The following TSG101 variants were observed in gnomAD, a reference collection of about 807,000 sequenced individuals.
The protein encoded by TSG101 is tumor susceptibility gene 101 protein.
A neutral mutation model predicts 48.5 loss-of-function variants in TSG101; 19 were observed. The ratio of observed to expected loss-of-function variants is 0.39; its 90% confidence interval spans 0.27 to 0.58. TSG101 has a LOEUF of 0.58. TSG101 is among the 20% of genes least tolerant of loss of function. The pLI is 0.55. For synonymous variants in TSG101, 174 were observed against 169.4 expected, an observed-to-expected ratio of 1.03 and a Z score of -0.21; for missense variants, 365 against 484.4, an observed-to-expected ratio of 0.75 and a Z score of 2.31.
At chr11:18,502,705 G>C in intron 6 of TSG101, 128 bp from the exon 7 acceptor site, 1 of 633,344 alleles carries the variant, frequency 1.6e-6, no homozygotes, top group East Asian at 3.0e-5. Flanking sequence ...TATAGTCTTG[G>C]AGCTGCAAGT....
rs546545786 is a variant in TSG101 at position 18,512,449 on chromosome 11, T to C, written c.357+2229A>G. 1.1e-4 allele frequency among the ~76,000 whole-genome samples: 17 copies of C among 152,318 alleles called. No homozygotes were observed. In the South Asian group the frequency reaches 3.5e-3, roughly 32 times the overall value. On this transcript the variant is annotated intron_variant, in intron 4 of 9. Coordinates refer to ENST00000251968, the MANE Select transcript of TSG101 (RefSeq NM_006292.4). Reference sequence around the variant, plus strand: ...TTTACCATCTTGTCCTCTATTTTCTTGAATGCACTGATCACAACCATTTTT... The same window carrying C: ...TTTACCATCTTGTCCTCTATTTTCTCGAATGCACTGATCACAACCATTTTT...
rs755651526 is a variant in TSG101 at position 18,502,480 on chromosome 11, A to G, written c.640+6T>C. 5.0e-6 allele frequency: 8 copies of G among 1,610,398 alleles called. No homozygotes were observed. The South Asian group carries it at 8.8e-5, about 18-fold the overall frequency. ...TGGTGAAACACAAGTTTTCAAGGGT[A>G]CTTACCAACAGTGGTCACAGGAGGC... On this transcript the variant is annotated splice_donor_region_variant and intron_variant, in intron 7 of 9. Coordinates refer to ENST00000251968, the MANE Select transcript of TSG101 (RefSeq NM_006292.4).
At chr11:18,489,235 T>G in intron 7 of TSG101, among the ~76,000 whole-genome samples, 1 of 152,028 alleles carries the variant, frequency 6.6e-6, no homozygotes, top group East Asian at 1.9e-4. Context: ...CTATTTTTTT[T>G]TTTTTTTGGA....
intron 7 of TSG101, among the ~76,000 whole-genome samples, chr11:18,499,662 T>G (rs962615092): frequency 1.3e-5 from 2 of 151,244 alleles, no homozygotes; most frequent in African/African-American, 4.9e-5. Context: ...CTGCCCGCCT[T>G]GGCCTCCCAA....
Position 18,480,337 on chromosome 11 carries a change from C to T in TSG101, c.*209G>A. 1 of 381,826 alleles carries T rather than the reference C, an allele frequency of 2.6e-6. No individual in the cohort carries two copies. Among genetic ancestry groups the T allele is most frequent in the African/African-American group, 2.1e-5 (1 of 48,492 alleles). The allele number at this position is 381,826 out of a possible 1,614,324, so 23.7% of individuals were successfully genotyped here. A position where few individuals can be genotyped will look rare whatever the true frequency, so the allele number is the denominator to read the frequency against. On this transcript the variant is annotated 3_prime_UTR_variant, in exon 10 of 10. Coordinates refer to ENST00000251968, the MANE Select transcript of TSG101 (RefSeq NM_006292.4). The stretch of plus-strand genomic sequence containing the variant: ...TATGCAACAAATTTTATTTAGCAGT[C>T]CCAACATTCAGCACAAAAAGTTTAC...
At chr11:18,497,459 C>T (rs956218330) in intron 7 of TSG101, among the ~76,000 whole-genome samples, 5 of 152,074 alleles carry the variant, frequency 3.3e-5, no homozygotes, top group African/African-American at 9.7e-5. Flanking sequence ...TTTGATTACC[C>T]GTTCAAAAAT....
chr11:18,484,459 C>T (rs1377006420), intron 7 of TSG101, among the ~76,000 whole-genome samples: 2 of 152,240 alleles, frequency 1.3e-5, no homozygotes, highest in African/African-American at 2.4e-5. Context: ...CATCAGGCTT[C>T]GCTGCTAAGC....
Position 18,514,696 on chromosome 11 carries a change from A to G in TSG101, c.339T>C (p.Tyr113=), listed in dbSNP as rs1850141244. 4 of 1,581,612 alleles carry G rather than the reference A, an allele frequency of 2.5e-6. No homozygotes were observed. Among genetic ancestry groups the G allele is most frequent in the East Asian group, 4.6e-5 (2 of 43,854 alleles). ...VDANGKIYLP[Y]LHEWKHPQSD... is the part of the protein sequence containing the mutation. ...TACTTACGTGTTTCCATTCATGTAG[A>G]TAAGGAAGATATATCTTCCCATTTG... is the stretch of plus-strand genomic sequence containing the variant. The change falls in exon 4 of 10, where the codon TAT becomes TAC. Residue 113 remains tyrosine (Y), a synonymous_variant. Coordinates refer to ENST00000251968, the MANE Select transcript of TSG101 (RefSeq NM_006292.4).
intron 1 of TSG101, among the ~76,000 whole-genome samples, chr11:18,525,964 A>G (rs1405261412): frequency 6.6e-6 from 1 of 152,218 alleles, no homozygotes; most frequent in African/African-American, 2.4e-5. Context: ...TCCCAAGCTA[A>G]CACGTTGAAC....
chr11:18,481,025 A>G (rs1327551311), intron 9 of TSG101, among the ~76,000 whole-genome samples: 1 of 152,188 alleles, frequency 6.6e-6, no homozygotes, highest in Non-Finnish European at 1.5e-5. Flanking sequence ...AGATCAGCAC[A>G]TGACCTGACC....
chr11:18,515,212 T>C (rs955410739), intron 3 of TSG101, among the ~76,000 whole-genome samples: 3 of 152,210 alleles, frequency 2.0e-5, no homozygotes, highest in East Asian at 1.9e-4. Context: ...TATAATTCTA[T>C]AGCAGTTACA....
chr11:18,506,834 T>C (rs758909236), intron 6 of TSG101, 23 bp downstream of exon 6: 11 of 1,547,766 alleles, frequency 7.1e-6, no homozygotes, highest in Non-Finnish European at 9.6e-6. Context: ...AATACAATTA[T>C]TCAAAAGAAC....
intron 7 of TSG101, among the ~76,000 whole-genome samples, chr11:18,493,727 A>T (rs866728868): frequency 3.3e-4 from 51 of 152,354 alleles, no homozygotes; most frequent in African/African-American, 1.2e-3. Context: ...AATAAAAAAC[A>T]AAAAACAGGT....
chr11:18,506,554 G>A (rs1418885522), intron 6 of TSG101, among the ~76,000 whole-genome samples: 1 of 151,970 alleles, frequency 6.6e-6, no homozygotes, highest in East Asian at 1.9e-4. Context: ...AGCCGGGAAT[G>A]GTGGCACAGC....
chr11:18,493,515 C>T (rs76204461), intron 7 of TSG101, among the ~76,000 whole-genome samples: 7,974 of 152,020 alleles, frequency 0.052, 291 homozygotes, highest in Non-Finnish European at 0.076. Context: ...TTTTTCTGAC[C>T]TCACCCTTAA....
chr11:18,517,747 T>C (rs1850203799), intron 2 of TSG101, among the ~76,000 whole-genome samples: 1 of 152,230 alleles, frequency 6.6e-6, no homozygotes, highest in African/African-American at 2.4e-5. Context: ...CTAAGTACAC[T>C]CAATGATGAA....
chr11:18,499,897 T>A (rs1413934684), intron 7 of TSG101, among the ~76,000 whole-genome samples: 2 of 152,148 alleles, frequency 1.3e-5, no homozygotes, highest in African/African-American at 4.8e-5. Context: ...AGACAATACA[T>A]TGTTAACTAT....
At chr11:18,480,776 T>C (rs565505968) in intron 9 of TSG101, 141 bp from the exon 10 acceptor site, 2 of 667,480 alleles carry the variant, frequency 3.0e-6, no homozygotes, top group East Asian at 5.6e-5. Flanking sequence ...CCTCATTATA[T>C]GTGGCTTTTA....
Position 18,483,999 on chromosome 11 carries a change from C to G in TSG101, c.714G>C (p.Leu238=). 6.2e-7 allele frequency: 1 copy of G among 1,614,226 alleles called. No individual in the cohort carries two copies. Among genetic ancestry groups the G allele is most frequent in the Non-Finnish European group, 8.5e-7 (1 of 1,180,040 alleles). The part of the protein sequence containing the change: ...ASLISAVSDK[L]RWRMKEEMDR... ...CCATTTCCTCCTTCATCCGCCATCTCAGTTTGTCACTGACCGCAGAGATGA... is the reference window on the plus strand; with the variant it reads ...CCATTTCCTCCTTCATCCGCCATCTGAGTTTGTCACTGACCGCAGAGATGA... The change falls in exon 8 of 10, where the codon CTG becomes CTC. Residue 238 remains leucine, a synonymous_variant. Coordinates refer to ENST00000251968, the MANE Select transcript of TSG101 (RefSeq NM_006292.4).
Sources: gnomAD v4.1 joint callset for allele counts (sites outside exome capture counted in the v4.1 genomes callset) on GRCh38, gnomAD v4.1.1 for gene constraint, MANE v1.5 for transcripts, NCBI Gene and HGNC (gene_info 2026-07-23, HGNC 2026-07-21) for gene names.